SAMD5: variants seen among roughly 807,000 people sequenced by gnomAD.
SAMD5 encodes sterile alpha motif domain-containing protein 5.
Under a neutral mutation model 11.3 loss-of-function variants are expected in SAMD5, and 13 were observed. That is an observed-to-expected ratio of 1.15 (90% CI 0.75 to 1.83). The LOEUF (loss-of-function observed/expected upper bound fraction) is 1.83, where lower values mean the gene tolerates loss of function less well. Ranked by LOEUF, SAMD5 falls within the 40% of genes most tolerant of loss-of-function variation. The probability of loss-of-function intolerance (pLI) is 0.00; values close to 1 mark genes in which losing one functional copy is unlikely to be tolerated. For missense variants in SAMD5, 255 were observed against 239.1 expected, an observed-to-expected ratio of 1.07 and a Z score of -0.44; for synonymous variants, 129 against 111.3, an observed-to-expected ratio of 1.16 and a Z score of -1.00.
chr6:147,620,510 G>A (rs918756617), intron 1 of SAMD5, among the ~76,000 whole-genome samples: 1 of 152,232 alleles, frequency 6.6e-6, no homozygotes, highest in African/African-American at 2.4e-5. Flanking sequence ...ATTTACAGCA[G>A]TGAAGGAGAT....
chr6:147,761,694 C>T, the SAMD5 span, among the ~76,000 whole-genome samples: 7 of 152,036 alleles, frequency 4.6e-5, no homozygotes, highest in Non-Finnish European at 7.4e-5. Context: ...TGTAGAATGC[C>T]TGGTAATAAA....
At chr6:147,889,500 CT>C in the SAMD5 span, among the ~76,000 whole-genome samples, 1 of 152,136 alleles carries the variant, frequency 6.6e-6, no homozygotes, top group Non-Finnish European at 1.5e-5. Flanking sequence ...TTTCCTGCTT[CT>C]TTATATGCTG....
At chr6:147,582,481 A>G (rs1390367728) in intron 1 of SAMD5, among the ~76,000 whole-genome samples, 1 of 152,194 alleles carries the variant, frequency 6.6e-6, no homozygotes, top group Non-Finnish European at 1.5e-5. Flanking sequence ...AGTGACTTTT[A>G]TGTTTGAATG....
intron 1 of SAMD5, among the ~76,000 whole-genome samples, chr6:147,518,315 C>A (rs542038228): frequency 1.3e-5 from 2 of 152,298 alleles, no homozygotes; most frequent in East Asian, 3.9e-4. Flanking sequence ...TTCCTCCCCA[C>A]TCTTGAGTGA....
chr6:147,671,039 A>G (rs953340783), intron 1 of SAMD5, among the ~76,000 whole-genome samples: 3 of 152,206 alleles, frequency 2.0e-5, no homozygotes, highest in Admixed American at 2.0e-4. Flanking sequence ...CTTCGAGATC[A>G]TTGTAAGCTT....
chr6:147,542,598 G>A lies in SAMD5; in HGVS notation c.460-21796G>A, dbSNP rs187701311. ...TAGGAAGTTGAAGCTGTCTTTTTGC[G>A]CTGAGTCAGTTCCTGGGTGGGGGCC... On this transcript the variant is annotated intron_variant, in intron 1 of 1. Coordinates refer to ENST00000367474, the MANE Select transcript of SAMD5 (RefSeq NM_001030060.3). Among the ~76,000 whole-genome samples the A allele has an allele frequency of 2.1e-3, 312 of 152,180 alleles. 2 individuals carry two copies. The highest frequency in any genetic ancestry group is 3.3e-3 in the Non-Finnish European group (222 of 67,998).
intron 1 of SAMD5, among the ~76,000 whole-genome samples, chr6:147,558,148 G>A (rs1583081999): frequency 1.3e-5 from 2 of 152,302 alleles, no homozygotes; most frequent in South Asian, 4.1e-4. Context: ...TGAGTTAGCA[G>A]ATTAATGTTA....
At chr6:147,798,826 C>T in the SAMD5 span, among the ~76,000 whole-genome samples, 2 of 152,084 alleles carry the variant, frequency 1.3e-5, no homozygotes, top group Admixed American at 1.3e-4. Context: ...TATGTAATGG[C>T]CTTCTTTGTC....
At chr6:147,612,198 G>A (rs369712722) in intron 1 of SAMD5, among the ~76,000 whole-genome samples, 1 of 152,092 alleles carries the variant, frequency 6.6e-6, no homozygotes, top group Non-Finnish European at 1.5e-5. Context: ...TGATGGGGAG[G>A]TCACGTGGTT....
the SAMD5 span, among the ~76,000 whole-genome samples, chr6:147,850,988 C>T: frequency 1.4e-5 from 2 of 144,584 alleles, no homozygotes; most frequent in African/African-American, 5.2e-5. Flanking sequence ...TCCCTGTTTC[C>T]CAGTCTGCAG....
the SAMD5 span, among the ~76,000 whole-genome samples, chr6:147,838,996 C>T: frequency 6.9e-4 from 105 of 152,356 alleles, no homozygotes; most frequent in African/African-American, 2.5e-3. Flanking sequence ...TCACCTCCGA[C>T]ATTTCTATAC....
chr6:147,515,417 C>T (rs1277954915), intron 1 of SAMD5, among the ~76,000 whole-genome samples: 2 of 150,346 alleles, frequency 1.3e-5, no homozygotes, highest in African/African-American at 2.5e-5. Context: ...ATTTATCCAT[C>T]CGTCTTCCAT....
chr6:147,773,532 G>T, the SAMD5 span, among the ~76,000 whole-genome samples: 2 of 152,186 alleles, frequency 1.3e-5, no homozygotes, highest in Non-Finnish European at 2.9e-5. Context: ...CAAGCTCAAG[G>T]TGCTGGCAGA....
At chr6:147,590,946 T>G (rs1163610778) in intron 1 of SAMD5, among the ~76,000 whole-genome samples, 2 of 152,204 alleles carry the variant, frequency 1.3e-5, no homozygotes, top group Admixed American at 1.3e-4. Context: ...TATTTATCTT[T>G]GTTGAAATGT....
At chr6:147,744,341 A>G in the SAMD5 span, among the ~76,000 whole-genome samples, 2 of 152,198 alleles carry the variant, frequency 1.3e-5, no homozygotes, top group Non-Finnish European at 2.9e-5. Flanking sequence ...TGCTAAATAC[A>G]TACTTATCTA....
At chr6:147,695,567 C>T (rs1460163999) in intron 1 of SAMD5, among the ~76,000 whole-genome samples, 4 of 152,124 alleles carry the variant, frequency 2.6e-5, no homozygotes, top group African/African-American at 4.8e-5. Context: ...CTTTTTCTTT[C>T]AACTTGCATT....
the SAMD5 span, among the ~76,000 whole-genome samples, chr6:147,869,241 C>T: frequency 6.6e-6 from 1 of 152,172 alleles, no homozygotes; most frequent in Admixed American, 6.5e-5. Context: ...GAAGGGGTCC[C>T]CTCTGATTGT....
intron 1 of SAMD5, among the ~76,000 whole-genome samples, chr6:147,669,205 C>A (rs1015730493): frequency 6.6e-6 from 1 of 152,122 alleles, no homozygotes; most frequent in Non-Finnish European, 1.5e-5. Context: ...GAATTGGAAC[C>A]AATCCTCGTA....
chr6:147,656,374 T>C (rs2128453869), intron 1 of SAMD5, among the ~76,000 whole-genome samples: 1 of 152,028 alleles, frequency 6.6e-6, no homozygotes, highest in South Asian at 2.1e-4. Context: ...AAGCAAAAAA[T>C]TGAAAACAAA....
Sources: gnomAD v4.1 joint callset for allele counts (sites outside exome capture counted in the v4.1 genomes callset) on GRCh38, gnomAD v4.1.1 for gene constraint, MANE v1.5 for transcripts, NCBI Gene and HGNC (gene_info 2026-07-23, HGNC 2026-07-21) for gene names.